Variants in B3GAT2 observed in about 807,000 individuals in gnomAD.
B3GAT2 encodes beta-1,3-glucuronyltransferase 2.
In B3GAT2, 26 loss-of-function variants were observed where a neutral mutation model predicts 27.8. The ratio of observed to expected loss-of-function variants is 0.93; its 90% CI spans 0.68 to 1.30. The LOEUF (loss-of-function observed/expected upper bound fraction) is 1.30, where lower values mean the gene tolerates loss of function less well. Ranked by LOEUF, B3GAT2 falls within the 50% of genes most tolerant of loss-of-function variation. The pLI is 0.00. For missense variants in B3GAT2, 458 were observed against 459.0 expected, an observed-to-expected ratio of 1.00 and a Z score of 0.02; for synonymous variants, 218 against 195.1, an observed-to-expected ratio of 1.12 and a Z score of -0.98.
At chr6:70,898,521 A>G (rs1351088938) in intron 1 of B3GAT2, among the ~76,000 whole-genome samples, 1 of 152,228 alleles carries the variant, frequency 6.6e-6, no homozygotes, top group African/African-American at 2.4e-5. Context: ...TAAACCTAAT[A>G]CATACTTTTA....
Position 70,858,257 on chromosome 6 carries a change from C to T in B3GAT2, c.*3406G>A, listed in dbSNP as rs1771523279. On this transcript the variant is annotated 3_prime_UTR_variant, in exon 4 of 4. Transcript: ENST00000230053. ...AGGGGTCATTTACTTTCTAGCTTCT[C>T]CCAAATCAAACCAGATTTATTTTCT... The T allele has an allele frequency of 7.2e-7, 1 of 1,381,642 alleles. No individual in the cohort carries two copies. The highest frequency in any genetic ancestry group is 1.3e-5 in the South Asian group (1 of 77,984). The allele number at this position is 1,381,642 out of a possible 1,614,324, so 85.6% of individuals were successfully genotyped here. A position where few individuals can be genotyped will look rare whatever the true frequency, so the allele number is the denominator to read the frequency against.
At chr6:70,871,955 T>C (rs2150023946) in intron 2 of B3GAT2, among the ~76,000 whole-genome samples, 1 of 152,122 alleles carries the variant, frequency 6.6e-6, no homozygotes, top group East Asian at 1.9e-4. Flanking sequence ...TCTTAACAAA[T>C]TGATTTTTTT....
At chr6:70,913,689 G>A (rs1393714889) in intron 1 of B3GAT2, among the ~76,000 whole-genome samples, 2 of 152,204 alleles carry the variant, frequency 1.3e-5, no homozygotes, top group Non-Finnish European at 2.9e-5. Flanking sequence ...GTTTTGGAGT[G>A]CAGAGTTCTG....
At chr6:70,866,747 C>T (rs767558670) in intron 2 of B3GAT2, among the ~76,000 whole-genome samples, 5 of 152,044 alleles carry the variant, frequency 3.3e-5, no homozygotes, top group Non-Finnish European at 7.4e-5. Flanking sequence ...GAAGAAATGA[C>T]GACTGAAAAA....
chr6:70,897,009 C>CAA (rs1772397924), intron 1 of B3GAT2, among the ~76,000 whole-genome samples: 1 of 152,152 alleles, frequency 6.6e-6, no homozygotes, highest in African/African-American at 2.4e-5. Flanking sequence ...GTGCTTCTGC[C>CAA]ATTTTACATT....
intron 2 of B3GAT2, among the ~76,000 whole-genome samples, chr6:70,884,435 A>C (rs961911588): frequency 2.0e-5 from 3 of 152,218 alleles, no homozygotes; most frequent in African/African-American, 7.2e-5. Flanking sequence ...ACATTTGTTC[A>C]AGCTATTACC....
Position 70,857,849 on chromosome 6 carries a change from T to C in B3GAT2, c.*3814A>G. ...TGTGAGTAGTTCAGAAAGGCAATTT[T>C]TCTGTGATTATAGAGATGAGTGCAA... is the stretch of plus-strand genomic sequence containing the variant. On this transcript the variant is annotated 3_prime_UTR_variant, in exon 4 of 4. Transcript: ENST00000230053. 1 of 1,531,330 alleles carries C rather than the reference T, an allele frequency of 6.5e-7. No individual in the cohort carries two copies. Among genetic ancestry groups the C allele is most frequent in the Non-Finnish European group, 8.8e-7 (1 of 1,132,152 alleles). The allele number at this position is 1,531,330 out of a possible 1,614,324, so 94.9% of individuals were successfully genotyped here. A position where few individuals can be genotyped will look rare whatever the true frequency, so the allele number is the denominator to read the frequency against.
intron 1 of B3GAT2, among the ~76,000 whole-genome samples, chr6:70,914,723 G>T (rs997602548): frequency 6.6e-6 from 1 of 151,104 alleles, no homozygotes; most frequent in East Asian, 1.9e-4. Context: ...TTACAGAAAT[G>T]GGAATGATCC....
At position 70,861,888 on chromosome 6, in the gene B3GAT2, AAGTC is replaced by A. The variant is rs1391286319; in HGVS notation, c.823_826del (p.Asp275PhefsTer5). ...TTCGACTGTTGTTATCTGTTTGAGAAAGTCAGATTCTTGCATCCCTGGCTGGGAT... is the reference window on the plus strand; with the variant it reads ...TTCGACTGTTGTTATCTGTTTGAGAAAGATTCTTGCATCCCTGGCTGGGAT... On this transcript the variant is annotated frameshift_variant, in exon 3 of 4. Coordinates refer to ENST00000230053, the MANE Select transcript of B3GAT2 (RefSeq NM_080742.3). LOFTEE classifies it high-confidence loss of function. The A allele has an allele frequency of 6.2e-7, 1 of 1,614,018 alleles. No individual in the cohort carries two copies. The highest frequency in any genetic ancestry group is 1.7e-5 in the Admixed American group (1 of 60,014).
At chr6:70,915,488 T>G (rs868864933) in intron 1 of B3GAT2, among the ~76,000 whole-genome samples, 12 of 152,360 alleles carry the variant, frequency 7.9e-5, no homozygotes, top group Middle Eastern at 3.4e-3. Context: ...CCCATGCCTA[T>G]GCACTGAAGG....
chr6:70,896,727 T>C (rs1009261065), intron 1 of B3GAT2, among the ~76,000 whole-genome samples: 4 of 152,236 alleles, frequency 2.6e-5, no homozygotes, highest in African/African-American at 9.6e-5. Flanking sequence ...CTACTTGTAA[T>C]GTACATTAAT....
At position 70,857,835 on chromosome 6, in the gene B3GAT2, C is replaced by T; in HGVS notation, c.*3828G>A. 6.8e-7 allele frequency: 1 copy of T among 1,479,512 alleles called. No individual in the cohort carries two copies. The highest frequency in any genetic ancestry group is 9.2e-7 in the Non-Finnish European group (1 of 1,090,824). 91.6% of individuals were successfully genotyped at this position (1,479,512 alleles called of 1,614,324 possible). On this transcript the variant is annotated 3_prime_UTR_variant, in exon 4 of 4. Transcript: ENST00000230053. The stretch of plus-strand genomic sequence containing the variant: ...ATTAAAATGTTTGCTGTGAGTAGTT[C>T]AGAAAGGCAATTTTTCTGTGATTAT...
At chr6:70,950,976 G>C (rs898483785) in intron 1 of B3GAT2, among the ~76,000 whole-genome samples, 2 of 152,052 alleles carry the variant, frequency 1.3e-5, no homozygotes, top group African/African-American at 4.8e-5. Context: ...CTGTGCTTTG[G>C]AGATGTATTC....
chr6:70,927,888 T>A (rs1338707139), intron 1 of B3GAT2, among the ~76,000 whole-genome samples: 5 of 152,170 alleles, frequency 3.3e-5, no homozygotes, highest in African/African-American at 4.8e-5. Flanking sequence ...TATACTTTCT[T>A]CTCAGCACCA....
At chr6:70,944,476 T>C (rs978182377) in intron 1 of B3GAT2, among the ~76,000 whole-genome samples, 15 of 151,830 alleles carry the variant, frequency 9.9e-5, no homozygotes, top group African/African-American at 3.4e-4. Context: ...AGGTCTGAGA[T>C]CAAACTGCAA....
At chr6:70,884,674 A>C (rs1772154974) in intron 2 of B3GAT2, among the ~76,000 whole-genome samples, 1 of 152,268 alleles carries the variant, frequency 6.6e-6, no homozygotes. Flanking sequence ...TTCCTGCCTC[A>C]TCAATGAGTC....
Position 70,861,057 on chromosome 6 carries a change from T to G in B3GAT2, c.*606A>C, listed in dbSNP as rs2150018918. The G allele has an allele frequency of 4.6e-6, 1 of 217,916 alleles. No homozygotes were observed. Among genetic ancestry groups the G allele is most frequent in the South Asian group, 1.8e-4 (1 of 5,422 alleles). 13.5% of individuals were successfully genotyped at this position (217,916 alleles called of 1,614,324 possible). ...CTAACTAAAACAAAGCCACTTTCAA[T>G]CTTCAATCCTTGAAGGTATATCTAG... On this transcript the variant is annotated 3_prime_UTR_variant, in exon 4 of 4. Coordinates refer to ENST00000230053, the MANE Select transcript of B3GAT2 (RefSeq NM_080742.3).
chr6:70,858,240 T>G lies in B3GAT2; in HGVS notation c.*3423A>C. ...TGGAGCCTCTCACAGGTAGGGGTCA[T>G]TTACTTTCTAGCTTCTCCCAAATCA... On this transcript the variant is annotated 3_prime_UTR_variant, in exon 4 of 4. Transcript: ENST00000230053. 6.3e-7 allele frequency: 1 copy of G among 1,595,408 alleles called. No homozygotes were observed.
At chr6:70,894,039 T>G in intron 2 of B3GAT2, 89 bp downstream of exon 2, 1 of 1,377,636 alleles carries the variant, frequency 7.3e-7, no homozygotes, top group Non-Finnish European at 9.6e-7. Context: ...AAATTTGTCT[T>G]TTAAAGCTTC....
Sources: allele counts gnomAD v4.1 joint callset (sites outside exome capture counted in the v4.1 genomes callset), GRCh38; gene constraint gnomAD v4.1.1; transcripts MANE v1.5; gene names NCBI Gene and HGNC (gene_info 2026-07-23, HGNC 2026-07-21).